The following CYP3A43 variants were observed in gnomAD, a reference collection of about 807,000 sequenced individuals.
The protein encoded by CYP3A43 is cytochrome P450 3A43.
Under a neutral mutation model 58.0 loss-of-function variants are expected in CYP3A43, and 45 were observed. The ratio of observed to expected loss-of-function variants is 0.78; its 90% confidence interval spans 0.61 to 0.99. The LOEUF (loss-of-function observed/expected upper bound fraction) is 0.99, where lower values mean the gene tolerates loss of function less well. Among genes scored for constraint, CYP3A43 ranks in the 50% least tolerant of loss-of-function variants. The pLI, the probability that CYP3A43 is intolerant of heterozygous loss-of-function variation, is 0.00. For missense variants in CYP3A43, 593 were observed against 591.9 expected (o/e 1.00, Z -0.02); for synonymous variants, 191 against 201.4 (o/e 0.95, Z 0.44).
In CYP3A43 at chr7:99,836,312, C is replaced by A. The variant is rs552904813; in HGVS notation, c.72-141C>A. ...ATCCTGCTATAAAATGTAATTATTG[C>A]CATCAGAGTTTCTGTTGTTATTTAT... On this transcript the variant is annotated intron_variant, in intron 1 of 12. Transcript: ENST00000354829. 359 of 654,264 alleles carry A rather than the reference C, an allele frequency of 5.5e-4. 2 individuals carry two copies. In the South Asian group the frequency reaches 6.3e-3, roughly 11 times the overall value. 40.5% of individuals were successfully genotyped at this position (654,264 alleles called of 1,614,324 possible). A position where few individuals can be genotyped will look rare whatever the true frequency, so the allele number is the denominator to read the frequency against.
At chr7:99,853,658 G>A (rs1817848111) in intron 7 of CYP3A43, among the ~76,000 whole-genome samples, 1 of 152,152 alleles carries the variant, frequency 6.6e-6, no homozygotes, top group Admixed American at 6.5e-5. Flanking sequence ...CTGGGGTCAA[G>A]CTATTCTCCT....
intron 2 of CYP3A43, among the ~76,000 whole-genome samples, chr7:99,837,314 G>C (rs1817131867): frequency 8.8e-6 from 1 of 113,726 alleles, no homozygotes; most frequent in Admixed American, 8.8e-5. Context: ...GCGAGACTGT[G>C]TCTCAAAAAA....
At chr7:99,829,585 A>C (rs1816760995) in intron 1 of CYP3A43, among the ~76,000 whole-genome samples, 1 of 152,210 alleles carries the variant, frequency 6.6e-6, no homozygotes, top group Non-Finnish European at 1.5e-5. Context: ...AATCTGTCAG[A>C]TCACCATTGC....
intron 2 of CYP3A43, among the ~76,000 whole-genome samples, chr7:99,837,945 A>G (rs2151594498): frequency 6.6e-6 from 1 of 152,308 alleles, no homozygotes; most frequent in Admixed American, 6.5e-5. Flanking sequence ...AATTCTCCCA[A>G]CTGAGGCCTT....
At chr7:99,842,003 G>A (rs1281828392) in intron 3 of CYP3A43, among the ~76,000 whole-genome samples, 2 of 152,150 alleles carry the variant, frequency 1.3e-5, no homozygotes, top group East Asian at 1.9e-4. Context: ...AATTCTAATT[G>A]TCAATGACAA....
intron 9 of CYP3A43, among the ~76,000 whole-genome samples, chr7:99,858,973 A>G (rs1382055834): frequency 1.3e-5 from 2 of 152,102 alleles, no homozygotes; most frequent in African/African-American, 4.8e-5. Context: ...CTGGGATTAC[A>G]CGCTTGCACC....
At chr7:99,836,358 C>T in intron 1 of CYP3A43, 95 bp from the exon 2 acceptor site, 1 of 914,992 alleles carries the variant, frequency 1.1e-6, no homozygotes, top group African/African-American at 1.7e-5. Flanking sequence ...TTACCTCCCT[C>T]CCTTGAACAT....
chr7:99,847,387 A>C, intron 4 of CYP3A43, 101 bp from the exon 5 acceptor site: 1 of 1,236,624 alleles, frequency 8.1e-7, no homozygotes. Context: ...GATAGTTACT[A>C]AATATTTGTT....
At chr7:99,859,737 G>A in intron 9 of CYP3A43, 93 bp from the exon 10 acceptor site, 4 of 1,523,360 alleles carry the variant, frequency 2.6e-6, no homozygotes, top group Non-Finnish European at 3.6e-6. Flanking sequence ...TTTGCTCTTA[G>A]GGATTTGGGA....
chr7:99,828,199 G>A lies in CYP3A43; in HGVS notation c.71+13G>A. ...TACTCCTCTATATGTGAGTAACTAT[G>A]CAGGCATGTTTGCTCTTAACTCTAA... On this transcript the variant is annotated intron_variant, in intron 1 of 12. Coordinates refer to ENST00000354829, the MANE Select transcript of CYP3A43 (RefSeq NM_057095.3). The A allele has an allele frequency of 1.3e-6, 2 of 1,585,578 alleles. No individual in the cohort carries two copies. The highest frequency in any genetic ancestry group is 1.7e-6 in the Non-Finnish European group (2 of 1,163,056).
intron 9 of CYP3A43, among the ~76,000 whole-genome samples, chr7:99,858,788 G>A (rs480596): frequency 0.13 from 18,979 of 151,552 alleles, 2,239 homozygotes; most frequent in African/African-American, 0.31. Flanking sequence ...TGCCTCCCAG[G>A]TTCAAGCAAT....
At chr7:99,853,845 C>T (rs889903963) in intron 7 of CYP3A43, among the ~76,000 whole-genome samples, 28 of 150,866 alleles carry the variant, frequency 1.9e-4, no homozygotes, top group African/African-American at 3.5e-4. Flanking sequence ...CGTGAGCCAC[C>T]GCGCCCAGCC....
intron 3 of CYP3A43, among the ~76,000 whole-genome samples, chr7:99,840,579 C>T (rs569826748): frequency 6.6e-6 from 1 of 152,300 alleles, no homozygotes; most frequent in East Asian, 1.9e-4. Flanking sequence ...TCGATGAGAG[C>T]TAATTGGTGC....
rs1256507714 is a variant in CYP3A43, at chr7:99,865,995, A to T, written c.1506A>T (p.Gly502=). ...KVHLRDGITS[G]P ...ACTTAAGAGATGGGATTACAAGTGG[A>T]CCCTGACTTTCCCTAAGGACTTCCA... Residue 502 remains glycine, a synonymous_variant, in exon 13 of 13, where the codon GGA becomes GGT. Transcript: ENST00000354829. 1.9e-6 allele frequency: 3 copies of T among 1,594,692 alleles called. No homozygotes were observed. In the African/African-American group the frequency reaches 4.0e-5, roughly 21 times the overall value.
intron 6 of CYP3A43, among the ~76,000 whole-genome samples, chr7:99,848,978 T>A (rs1217407892): frequency 6.6e-6 from 1 of 152,192 alleles, no homozygotes; most frequent in Non-Finnish European, 1.5e-5. Flanking sequence ...ACAAAAATAA[T>A]CTGCCCTCAG....
intron 4 of CYP3A43, 54 bp downstream of exon 4, chr7:99,844,296 A>G: frequency 1.3e-6 from 2 of 1,544,074 alleles, no homozygotes; most frequent in Non-Finnish European, 1.8e-6. Flanking sequence ...AAATGATTAT[A>G]TATTCATGGA....
intron 6 of CYP3A43, among the ~76,000 whole-genome samples, chr7:99,849,048 G>A (rs1817643079): frequency 1.3e-5 from 2 of 152,242 alleles, no homozygotes; most frequent in African/African-American, 4.8e-5. Context: ...TTATCAGGGA[G>A]TGCAGCGGAG....
chr7:99,848,711 T>C (rs1584221435), intron 6 of CYP3A43, among the ~76,000 whole-genome samples: 3 of 152,188 alleles, frequency 2.0e-5, no homozygotes, highest in East Asian at 3.8e-4. Context: ...AAATATGAAA[T>C]ATTAAACCTT....
intron 3 of CYP3A43, among the ~76,000 whole-genome samples, chr7:99,842,840 C>T (rs1327641383): frequency 6.6e-6 from 1 of 152,184 alleles, no homozygotes; most frequent in Non-Finnish European, 1.5e-5. Context: ...CTCACAAGGA[C>T]GTTCCTTATG....
Sources: allele counts gnomAD v4.1 joint callset (sites outside exome capture counted in the v4.1 genomes callset), GRCh38; gene constraint gnomAD v4.1.1; transcripts MANE v1.5; gene names NCBI Gene and HGNC (gene_info 2026-07-23, HGNC 2026-07-21).